STAG1: variants seen among roughly 807,000 people sequenced by gnomAD.
STAG1 encodes the protein STAG1 cohesin complex component.
Under a neutral mutation model 170.9 loss-of-function variants are expected in STAG1, and 26 were observed. The ratio of observed to expected loss-of-function variants is 0.15; its 90% confidence interval spans 0.11 to 0.21. The LOEUF is 0.21. STAG1 is among the 10% of genes least tolerant of loss of function. The probability of loss-of-function intolerance (pLI) is 1.00; values close to 1 mark genes in which losing one functional copy is unlikely to be tolerated. For synonymous variants in STAG1, 514 were observed against 497.7 expected, an observed-to-expected ratio of 1.03 and a Z score of -0.44; for missense variants, 964 against 1,509.5, an observed-to-expected ratio of 0.64 and a Z score of 5.99.
chr3:136,399,556 G>C (rs570296307), intron 21 of STAG1, among the ~76,000 whole-genome samples: 1 of 152,226 alleles, frequency 6.6e-6, no homozygotes, highest in East Asian at 1.9e-4. Context: ...CATGTACCTA[G>C]AGTTCATTAG....
intron 1 of STAG1, among the ~76,000 whole-genome samples, chr3:136,692,519 C>T (rs1440779257): frequency 6.6e-6 from 1 of 151,856 alleles, no homozygotes; most frequent in Non-Finnish European, 1.5e-5. Context: ...CCTGTAATCC[C>T]AGCTACTCAA....
At chr3:136,572,434 A>T (rs1455948354) in intron 4 of STAG1, among the ~76,000 whole-genome samples, 1 of 151,676 alleles carries the variant, frequency 6.6e-6, no homozygotes, top group Non-Finnish European at 1.5e-5. Context: ...CTCTACCAAA[A>T]ATCCACGAAT....
intron 1 of STAG1, among the ~76,000 whole-genome samples, chr3:136,679,338 G>C (rs1942252829): frequency 6.6e-6 from 1 of 152,142 alleles, no homozygotes; most frequent in African/African-American, 2.4e-5. Context: ...CCACCACTTT[G>C]GGAGGCCGAG....
rs140171002 is a variant in STAG1 at position 136,473,597 on chromosome 3, C to G, written c.1067G>C (p.Ser356Thr). The G allele has an allele frequency of 6.2e-6, 10 of 1,612,542 alleles. No homozygotes were observed. The highest frequency in any genetic ancestry group is 7.6e-6 in the Non-Finnish European group (9 of 1,179,398). Residue 356 changes from serine (S) to threonine (T), a missense_variant, in exon 11 of 34, where the codon AGT becomes ACT. Physicochemically the swap from Ser to Thr is moderately conservative, Grantham distance 58 (BLOSUM62 1). Around this residue, in one of 11 missense-constraint regions of STAG1, gnomAD observed 162 missense variants for 211.2 expected, o/e 0.77. Transcript: ENST00000383202. ...GAATAATTCTCTATTGGTATATAGA[C>G]TCTGCAGAGCTTTCAAACACTTCAG... ...VRLKCLKALQSLYTNRELFPK... is the reference protein window; with the variant it reads ...VRLKCLKALQTLYTNRELFPK...
At chr3:136,443,987 C>T (rs1187316735) in intron 14 of STAG1, among the ~76,000 whole-genome samples, 1 of 152,158 alleles carries the variant, frequency 6.6e-6, no homozygotes, top group African/African-American at 2.4e-5. Context: ...GCCCATGTTC[C>T]CACAGTAAAC....
intron 4 of STAG1, among the ~76,000 whole-genome samples, chr3:136,602,095 G>T (rs1187349994): frequency 6.6e-6 from 1 of 151,870 alleles, no homozygotes; most frequent in African/African-American, 2.4e-5. Flanking sequence ...AGAAAAGGAA[G>T]TAAGGCCGGG....
In STAG1 at chr3:136,408,617, AT is replaced by A. The variant is rs2087547059; in HGVS notation, c.2196+9267del. Among the ~76,000 whole-genome samples the A allele has an allele frequency of 2.0e-5, 3 of 152,186 alleles. No homozygotes were observed. In the South Asian group the frequency reaches 6.2e-4, roughly 31 times the overall value. On this transcript the variant is annotated intron_variant, in intron 21 of 33. Transcript: ENST00000383202. Reference sequence around the variant, plus strand: ...AGAAGATATTCAGAAGGTAGAATTTATAAAAAACAATCAAGAGTCTCATGAG... The same window carrying A: ...AGAAGATATTCAGAAGGTAGAATTTAAAAAAACAATCAAGAGTCTCATGAG...
intron 1 of STAG1, among the ~76,000 whole-genome samples, chr3:136,732,254 A>AC (rs1392460259): frequency 6.6e-6 from 1 of 151,720 alleles, no homozygotes; most frequent in African/African-American, 2.4e-5. Flanking sequence ...AAAAAAAAAA[A>AC]AAAAACACCT....
chr3:136,741,051 C>CT (rs755694162), intron 1 of STAG1, among the ~76,000 whole-genome samples: 2 of 152,200 alleles, frequency 1.3e-5, no homozygotes, highest in African/African-American at 4.8e-5. Flanking sequence ...AAGAGAAGCA[C>CT]TGGAAGCCTT....
At chr3:136,521,550 C>G (rs1033730539) in intron 6 of STAG1, 133 bp from the exon 7 acceptor site, 23 of 646,758 alleles carry the variant, frequency 3.6e-5, no homozygotes, top group African/African-American at 2.2e-4. Flanking sequence ...ACTTTCATAG[C>G]ACATTTGATT....
intron 1 of STAG1, among the ~76,000 whole-genome samples, chr3:136,665,453 C>T (rs1009974453): frequency 3.3e-5 from 5 of 151,990 alleles, no homozygotes; most frequent in African/African-American, 9.7e-5. Flanking sequence ...CTAGATTATC[C>T]AGGTAGGTAT....
chr3:136,539,527 C>A (rs1274962365), intron 6 of STAG1, among the ~76,000 whole-genome samples: 1 of 152,150 alleles, frequency 6.6e-6, no homozygotes, highest in Non-Finnish European at 1.5e-5. Flanking sequence ...AAAAGTCATA[C>A]TTAAAACATA....
intron 4 of STAG1, among the ~76,000 whole-genome samples, 168 bp from the exon 5 acceptor site, chr3:136,569,029 T>C (rs556561767): frequency 6.6e-6 from 1 of 152,250 alleles, no homozygotes; most frequent in East Asian, 1.9e-4. Context: ...CCCTTATTTT[T>C]AAAGGCCAAT....
intron 6 of STAG1, 41 bp from the exon 7 acceptor site, chr3:136,521,458 C>A: frequency 6.3e-7 from 1 of 1,575,464 alleles, no homozygotes; most frequent in East Asian, 2.2e-5. Context: ...TGTCACATTA[C>A]AGAGTTTGAT....
At chr3:136,394,454 A>C (rs903869309) in intron 22 of STAG1, among the ~76,000 whole-genome samples, 2 of 152,192 alleles carry the variant, frequency 1.3e-5, no homozygotes, top group African/African-American at 4.8e-5. Context: ...AATTAACTGA[A>C]TAAAACACAT....
chr3:136,364,803 G>C (rs1576392842), intron 25 of STAG1, among the ~76,000 whole-genome samples: 1 of 152,132 alleles, frequency 6.6e-6, no homozygotes, highest in African/African-American at 2.4e-5. Context: ...GTGAAGAAGT[G>C]ATTAATAATA....
At chr3:136,437,719 C>T (rs187394796) in intron 15 of STAG1, among the ~76,000 whole-genome samples, 246 of 152,300 alleles carry the variant, frequency 1.6e-3, no homozygotes, top group Non-Finnish European at 2.9e-3. Context: ...TGAACATCCT[C>T]TTTACTGGGC....
intron 5 of STAG1, among the ~76,000 whole-genome samples, chr3:136,556,592 TG>T (rs1479412948): frequency 1.3e-5 from 2 of 152,092 alleles, no homozygotes; most frequent in African/African-American, 4.8e-5. Context: ...TTTGTTTGTT[TG>T]TTTTTTTGAG....
At position 136,404,947 on chromosome 3, in the gene STAG1, G is replaced by A. The variant is rs941684242; in HGVS notation, c.2197-6118C>T. Among the ~76,000 whole-genome samples, 5 of 151,632 alleles carry A rather than the reference G, an allele frequency of 3.3e-5. No homozygotes were observed. The East Asian group carries it at 9.7e-4, about 29-fold the overall frequency. ...CATGTTTAAAAACCTAAAAATCCAC[G>A]TAATGACAGTGGAAAATCTGGGCTC... On this transcript the variant is annotated intron_variant, in intron 21 of 33. Transcript: ENST00000383202.
Sources: allele counts gnomAD v4.1 joint callset (sites outside exome capture counted in the v4.1 genomes callset), GRCh38; gene constraint gnomAD v4.1.1; regional missense constraint gnomAD v4.1.1; transcripts MANE v1.5; gene names NCBI Gene and HGNC (gene_info 2026-07-23, HGNC 2026-07-21).